The following NTRK3 variants were observed in gnomAD, a reference collection of about 807,000 sequenced individuals.
NTRK3 encodes the protein NT-3 growth factor receptor.
NTRK3 carries 24 observed loss-of-function variants against 91.7 expected under a neutral mutation model. The observed-to-expected ratio is 0.26, with a 90% confidence interval of 0.19 to 0.37. The LOEUF (loss-of-function observed/expected upper bound fraction) is 0.37. Among genes scored for constraint, NTRK3 ranks in the 10% least tolerant of loss-of-function variants. The pLI is 1.00. For missense variants in NTRK3, 880 were observed against 1,068.9 expected (o/e 0.82, Z 2.46); for synonymous variants, 483 against 404.0 (o/e 1.20, Z -2.34).
intron 13 of NTRK3, among the ~76,000 whole-genome samples, chr15:88,116,518 T>C (rs572420783): frequency 6.6e-6 from 1 of 152,216 alleles, no homozygotes; most frequent in Non-Finnish European, 1.5e-5. Context: ...GGTAGGTTCA[T>C]TTTGCAACTG....
chr15:87,924,869 C>T (rs2068161636), intron 17 of NTRK3, among the ~76,000 whole-genome samples: 1 of 152,164 alleles, frequency 6.6e-6, no homozygotes, highest in Admixed American at 6.5e-5. Context: ...AGGAACACTC[C>T]TGGAGCTCTA....
exon 19 of NTRK3, chr15:87,860,338 AT>A: frequency 9.3e-6 from 2 of 216,198 alleles, no homozygotes; most frequent in Non-Finnish European, 9.3e-6. Context: ...TAAAAAAATA[AT>A]TTTTTGTTTT....
chr15:88,124,242 A>T (rs2053044584), intron 13 of NTRK3, among the ~76,000 whole-genome samples: 1 of 152,110 alleles, frequency 6.6e-6, no homozygotes, highest in African/African-American at 2.4e-5. Context: ...AATAGAGGAT[A>T]TTTCACTTCC....
chr15:87,867,449 G>C (rs139943466), exon 19 of NTRK3: 4 of 226,260 alleles, frequency 1.8e-5, no homozygotes, highest in Non-Finnish European at 2.6e-5. Context: ...TCCTCAGTGT[G>C]GGGGGGATGT....
chr15:87,923,958 G>A (rs776086233), intron 17 of NTRK3, among the ~76,000 whole-genome samples: 4 of 152,102 alleles, frequency 2.6e-5, no homozygotes, highest in Non-Finnish European at 4.4e-5. Flanking sequence ...ATCTTGAACT[G>A]CCTAGCCTCC....
chr15:87,996,867 T>C (rs1015625728), intron 14 of NTRK3, among the ~76,000 whole-genome samples: 2 of 152,212 alleles, frequency 1.3e-5, no homozygotes, highest in Admixed American at 6.5e-5. Flanking sequence ...ATTTATTTTA[T>C]AAACTTTTAG....
chr15:88,229,643 C>G (rs965980412), intron 3 of NTRK3, among the ~76,000 whole-genome samples: 2 of 152,172 alleles, frequency 1.3e-5, no homozygotes, highest in African/African-American at 4.8e-5. Flanking sequence ...GGCAATGTCC[C>G]CAGGGGTACC....
At chr15:88,170,057 C>T (rs545890927) in intron 5 of NTRK3, among the ~76,000 whole-genome samples, 1 of 152,196 alleles carries the variant, frequency 6.6e-6, no homozygotes, top group African/African-American at 2.4e-5. Flanking sequence ...CACCTTTGCA[C>T]GAATTAAGAG....
intron 14 of NTRK3, among the ~76,000 whole-genome samples, chr15:88,004,743 C>T (rs1237317560): frequency 6.6e-6 from 1 of 152,018 alleles, no homozygotes; most frequent in Non-Finnish European, 1.5e-5. Flanking sequence ...GTGTGAGAGG[C>T]CAAACTTAAA....
chr15:87,982,019 T>C (rs2074326286), intron 14 of NTRK3, among the ~76,000 whole-genome samples: 1 of 152,186 alleles, frequency 6.6e-6, no homozygotes. Flanking sequence ...GAAATCTCCT[T>C]TGGAGACCAT....
At chr15:88,142,251 C>T (rs113008358) in intron 6 of NTRK3, among the ~76,000 whole-genome samples, 153 of 152,340 alleles carry the variant, frequency 1.0e-3, no homozygotes, top group African/African-American at 3.6e-3. Flanking sequence ...GGCAGTCCTG[C>T]GGAACCTAAA....
chr15:88,137,643 A>G (rs1316468583), intron 6 of NTRK3, 82 bp from the exon 7 acceptor site: 8 of 1,445,732 alleles, frequency 5.5e-6, no homozygotes, highest in Non-Finnish European at 7.7e-6. Context: ...GACAAGGGGG[A>G]CCCGACCTGT....
At chr15:88,192,771 C>G (rs531522079) in intron 3 of NTRK3, among the ~76,000 whole-genome samples, 11 of 152,026 alleles carry the variant, frequency 7.2e-5, no homozygotes, top group Admixed American at 3.9e-4. Context: ...GGACCTCCTA[C>G]GTGAAACACT....
chr15:88,131,361 A>G (rs1263503410), intron 10 of NTRK3, among the ~76,000 whole-genome samples: 1 of 152,242 alleles, frequency 6.6e-6, no homozygotes, highest in Admixed American at 6.5e-5. Context: ...GGAATCGGAT[A>G]CTTTCTGTGA....
chr15:87,980,193 C>T (rs2074101440), intron 14 of NTRK3, among the ~76,000 whole-genome samples: 2 of 152,326 alleles, frequency 1.3e-5, no homozygotes, highest in Middle Eastern at 3.4e-3. Context: ...CATGACAGCT[C>T]ATTTCCTTTC....
At chr15:88,179,412 G>T (rs183917323) in intron 5 of NTRK3, among the ~76,000 whole-genome samples, 1 of 152,130 alleles carries the variant, frequency 6.6e-6, no homozygotes, top group Non-Finnish European at 1.5e-5. Flanking sequence ...CCTATCTTCC[G>T]TGCTGTAAAA....
intron 14 of NTRK3, among the ~76,000 whole-genome samples, chr15:87,971,227 A>G (rs1424288890): frequency 4.6e-5 from 7 of 152,160 alleles, no homozygotes; most frequent in African/African-American, 1.7e-4. Flanking sequence ...AACAGACTCA[A>G]GTTCTCCCTG....
intron 3 of NTRK3, among the ~76,000 whole-genome samples, chr15:88,204,874 T>C (rs1260754180): frequency 2.0e-5 from 3 of 152,134 alleles, no homozygotes; most frequent in Non-Finnish European, 2.9e-5. Flanking sequence ...GCTACCTGAG[T>C]GGTGAGGTAC....
At chr15:87,920,475 G>A (rs977362638) in intron 17 of NTRK3, among the ~76,000 whole-genome samples, 5 of 152,106 alleles carry the variant, frequency 3.3e-5, no homozygotes, top group African/African-American at 1.2e-4. Flanking sequence ...CTCTCCCAAA[G>A]CTGAAGAAGA....
Sources: gnomAD v4.1 joint callset for allele counts (sites outside exome capture counted in the v4.1 genomes callset) on GRCh38, gnomAD v4.1.1 for gene constraint, MANE v1.5 for transcripts, NCBI Gene and HGNC (gene_info 2026-07-23, HGNC 2026-07-21) for gene names.